The following TECR variants were observed in gnomAD, a reference collection of about 807,000 sequenced individuals.
TECR encodes the protein trans-2,3-enoyl-CoA reductase, also known as very-long-chain enoyl-CoA reductase.
TECR carries 19 observed loss-of-function variants against 50.6 expected under a neutral mutation model. That is an observed-to-expected ratio of 0.38 (90% confidence interval 0.26 to 0.55). The LOEUF is 0.55. Among genes scored for constraint, TECR ranks in the 20% least tolerant of loss-of-function variants. TECR has a pLI of 0.79. For missense variants in TECR, 313 were observed against 408.3 expected (o/e 0.77, Z 2.01); for synonymous variants, 168 against 163.5 (o/e 1.03, Z -0.21).
intron 1 of TECR, among the ~76,000 whole-genome samples, chr19:14,557,179 G>A (rs1036132199): frequency 3.4e-5 from 5 of 145,544 alleles, no homozygotes; most frequent in East Asian, 2.0e-4. Flanking sequence ...TTGCTGTGTC[G>A]CCCAGGCTGG....
At chr19:14,540,557 A>G (rs1440861109) in intron 1 of TECR, among the ~76,000 whole-genome samples, 5 of 150,932 alleles carry the variant, frequency 3.3e-5, no homozygotes. Context: ...ACACCCCACT[A>G]ATTTTTGTAT....
rs746949549 is a variant in TECR at position 14,563,191 on chromosome 19, C to A, written c.67-15C>A. The A allele has an allele frequency of 4.3e-6, 7 of 1,613,986 alleles. No homozygotes were observed. Among genetic ancestry groups the A allele is most frequent in the Non-Finnish European group, 5.9e-6 (7 of 1,179,908 alleles). On this transcript the variant is annotated splice_polypyrimidine_tract_variant and intron_variant, in intron 2 of 12. Transcript: ENST00000215567. This position sits in a 1 kb window ranked among gnomAD's most constrained non-coding sequence, Gnocchi z 5.3. ...CCCCGCAGAGCTGACGTCCCTGCGC[C>A]TGTGCTTCCCCCAGGTGGAGCCCCA... is the stretch of plus-strand genomic sequence containing the variant.
chr19:14,548,170 G>A (rs1206098991), intron 1 of TECR, among the ~76,000 whole-genome samples: 1 of 151,782 alleles, frequency 6.6e-6, no homozygotes, highest in Non-Finnish European at 1.5e-5. Flanking sequence ...CACCGTGTTA[G>A]CCAGGATCGT....
At chr19:14,557,516 A>T (rs1599483310) in intron 1 of TECR, among the ~76,000 whole-genome samples, 1 of 148,854 alleles carries the variant, frequency 6.7e-6, no homozygotes, top group Non-Finnish European at 1.5e-5. Context: ...CAGTGGTGCG[A>T]TATCAGCTCA....
At chr19:14,541,913 G>T (rs2073108697) in intron 1 of TECR, among the ~76,000 whole-genome samples, 1 of 151,888 alleles carries the variant, frequency 6.6e-6, no homozygotes, top group Admixed American at 6.6e-5. Context: ...CTCCCGATTG[G>T]CTGGGATTAC....
At chr19:14,562,437 A>G in intron 1 of TECR, 88 bp from the exon 2 acceptor site, 1 of 1,481,132 alleles carries the variant, frequency 6.8e-7, no homozygotes. Flanking sequence ...AGGCCACCCC[A>G]GGCCTCCTCC....
intron 7 of TECR, 42 bp downstream of exon 7, chr19:14,564,329 T>TGCCCCACCCCGCCCCGCCCCCACCGA (rs1225479183): frequency 1.4e-6 from 2 of 1,435,810 alleles, no homozygotes; most frequent in South Asian, 1.2e-5. Context: ...CCCGCCTTTC[T>TGCCCCACCCCGCCCCGCCCCCACCGA]GCCCCACCCC....
intron 1 of TECR, 170 bp from the exon 2 acceptor site, chr19:14,562,355 A>C (rs1200217892): frequency 8.5e-5 from 62 of 727,042 alleles, no homozygotes; most frequent in Non-Finnish European, 1.3e-4. Flanking sequence ...GCTGCTGGCC[A>C]CCGTGGGCAG....
intron 7 of TECR, among the ~76,000 whole-genome samples, 188 bp downstream of exon 7, chr19:14,564,475 A>C (rs377452654): frequency 4.0e-4 from 4 of 10,090 alleles, no homozygotes; most frequent in African/African-American, 4.0e-4. Context: ...CGTCCTCCCC[A>C]GCCCCGCCCC....
intron 1 of TECR, 177 bp downstream of exon 1, chr19:14,529,888 G>A: frequency 2.3e-6 from 2 of 857,722 alleles, no homozygotes; most frequent in South Asian, 3.1e-5. Flanking sequence ...GCGCATGTGC[G>A]CAGGAAGTAT....
At chr19:14,530,127 CTTG>C (rs2072572453) in intron 1 of TECR, 2 of 295,310 alleles carry the variant, frequency 6.8e-6, no homozygotes, top group Admixed American at 4.6e-5. Context: ...TATCAGTATT[CTTG>C]TGTACGACCT....
Position 14,559,786 on chromosome 19 carries a change from CAAA to C in TECR, c.16-2726_16-2724del, listed in dbSNP as rs5827240. Among the ~76,000 whole-genome samples, 7 of 138,976 alleles carry C rather than the reference CAAA, an allele frequency of 5.0e-5. No homozygotes were observed. In the East Asian group the frequency reaches 6.7e-4, roughly 13 times the overall value. 91.2% of individuals were successfully genotyped at this position (138,976 alleles called of 152,430 possible). On this transcript the variant is annotated intron_variant, in intron 1 of 12. Transcript: ENST00000215567. The stretch of plus-strand genomic sequence containing the variant: ...TGGGCGACAGAGTGAGACTCTGTCT[CAAA>C]AAAAAAAAAAAATTATAGAGACACA...
intron 1 of TECR, chr19:14,562,256 C>T: frequency 1.7e-6 from 1 of 605,204 alleles, no homozygotes; most frequent in Non-Finnish European, 2.9e-6. Context: ...TCCTTTCCAG[C>T]ACCGCGGCAG....
intron 1 of TECR, among the ~76,000 whole-genome samples, chr19:14,549,981 C>T (rs924480789): frequency 6.6e-6 from 1 of 151,844 alleles, no homozygotes; most frequent in Admixed American, 6.6e-5. Context: ...ACACCTGCCC[C>T]CTTCAACTGC....
At chr19:14,529,788 C>T in intron 1 of TECR, 77 bp downstream of exon 1, 2 of 1,599,434 alleles carry the variant, frequency 1.3e-6, no homozygotes, top group Non-Finnish European at 1.7e-6. Flanking sequence ...CACGGGACCC[C>T]ACTTTCTGGT....
At chr19:14,530,050 C>G (rs961044415) in intron 1 of TECR, 24 of 442,010 alleles carry the variant, frequency 5.4e-5, no homozygotes, top group Middle Eastern at 1.3e-3. Context: ...CCCTTGCTCC[C>G]AATCCGAGGG....
chr19:14,534,716 T>G (rs1046024311), intron 1 of TECR, among the ~76,000 whole-genome samples: 1 of 152,006 alleles, frequency 6.6e-6, no homozygotes, highest in Non-Finnish European at 1.5e-5. Context: ...GGATTATAGG[T>G]GTGAGCCACC....
chr19:14,543,821 C>T (rs2073211806), intron 1 of TECR, among the ~76,000 whole-genome samples: 1 of 151,870 alleles, frequency 6.6e-6, no homozygotes, highest in African/African-American at 2.4e-5. Flanking sequence ...TCATTGCAAC[C>T]TCTGCCTCCC....
intron 1 of TECR, among the ~76,000 whole-genome samples, chr19:14,536,240 G>A (rs533319410): frequency 1.4e-3 from 212 of 151,800 alleles, no homozygotes; most frequent in Non-Finnish European, 2.3e-3. Context: ...TGGAGCCCAC[G>A]GGCAAGGTCT....
Sources: allele counts gnomAD v4.1 joint callset (sites outside exome capture counted in the v4.1 genomes callset), GRCh38; gene constraint gnomAD v4.1.1; non-coding constraint Gnocchi (gnomAD v3.1); transcripts MANE v1.5; gene names NCBI Gene and HGNC (gene_info 2026-07-23, HGNC 2026-07-21).